Variants in HS2ST1 observed in about 807,000 individuals in gnomAD.
HS2ST1 encodes the protein heparan sulfate 2-O-sulfotransferase 1, also known as 2-O-sulfotransferase.
In HS2ST1, 18 loss-of-function variants were observed where a neutral mutation model predicts 42.9. The observed-to-expected ratio is 0.42, with a 90% CI of 0.29 to 0.62. The LOEUF is 0.62. Among genes scored for constraint, HS2ST1 ranks in the 20% least tolerant of loss-of-function variants. HS2ST1 has a pLI of 0.21. For missense variants in HS2ST1, 334 were observed against 433.8 expected, an observed-to-expected ratio of 0.77 and a Z score of 2.04; for synonymous variants, 146 against 152.9, an observed-to-expected ratio of 0.95 and a Z score of 0.33.
At chr1:86,932,323 A>G (rs1660561357) in intron 1 of HS2ST1, 1 of 152,080 alleles carries the variant, frequency 6.6e-6, no homozygotes, top group Admixed American at 6.6e-5. Context: ...AATGAAGAGA[A>G]GTGGGTTAAA....
At chr1:86,952,803 T>A (rs1647563101) in intron 1 of HS2ST1, among the ~76,000 whole-genome samples, 1 of 152,196 alleles carries the variant, frequency 6.6e-6, no homozygotes, top group South Asian at 2.1e-4. Context: ...TTGTCCCATT[T>A]ATAGATCACA....
chr1:87,035,480 A>T (rs1022665303), intron 1 of HS2ST1, among the ~76,000 whole-genome samples: 2 of 152,130 alleles, frequency 1.3e-5, no homozygotes, highest in African/African-American at 4.8e-5. Context: ...GGCCTAGAAG[A>T]TTTTCTGATG....
At chr1:86,963,741 G>GGA in intron 1 of HS2ST1, among the ~76,000 whole-genome samples, 1 of 41,800 alleles carries the variant, frequency 2.4e-5, no homozygotes. Flanking sequence ...GCCAGGCAGA[G>GGA]GCGCCCCCCC....
At position 86,919,969 on chromosome 1, in the gene HS2ST1, G is replaced by A. The variant is rs145595097; in HGVS notation, c.124+4809G>A. On this transcript the variant is annotated intron_variant, in intron 1 of 6. Coordinates refer to ENST00000370550, the MANE Select transcript of HS2ST1 (RefSeq NM_012262.4). The stretch of plus-strand genomic sequence containing the variant: ...TAACTGTGACTCGTTACTATAAAAT[G>A]TCAGAATTTGTGGCTGGTAAAAAGT... Among the ~76,000 whole-genome samples the A allele has an allele frequency of 4.8e-3, 734 of 152,320 alleles. 3 individuals carry two copies. Among genetic ancestry groups the A allele is most frequent in the Non-Finnish European group, 8.5e-3 (578 of 68,030 alleles).
intron 1 of HS2ST1, among the ~76,000 whole-genome samples, chr1:87,071,729 GAAAA>G (rs537202045): frequency 1.9e-5 from 2 of 107,904 alleles, no homozygotes; most frequent in African/African-American, 3.2e-5. Flanking sequence ...CTCTGTCTCC[GAAAA>G]AAAAAAAAAA....
intron 1 of HS2ST1, among the ~76,000 whole-genome samples, chr1:86,941,261 G>A (rs1660757361): frequency 6.6e-6 from 1 of 151,988 alleles, no homozygotes; most frequent in Admixed American, 6.6e-5. Flanking sequence ...TGAAGTATCT[G>A]GATTTGTCTT....
chr1:87,004,406 A>T (rs1649377925), intron 1 of HS2ST1, among the ~76,000 whole-genome samples: 1 of 152,088 alleles, frequency 6.6e-6, no homozygotes, highest in Admixed American at 6.6e-5. Context: ...AAATGAACAA[A>T]TATATATATA....
chr1:86,989,590 C>CT (rs1648884466), intron 1 of HS2ST1, among the ~76,000 whole-genome samples: 2 of 152,198 alleles, frequency 1.3e-5, no homozygotes, highest in Non-Finnish European at 2.9e-5. Context: ...TATTATTATA[C>CT]TTTAAGTTCT....
chr1:87,026,821 C>T (rs1650099873), intron 1 of HS2ST1, among the ~76,000 whole-genome samples: 1 of 151,496 alleles, frequency 6.6e-6, no homozygotes, highest in Non-Finnish European at 1.5e-5. Context: ...TATCAGAAAA[C>T]TTGATTATAA....
chr1:87,028,785 A>AACG (rs1227625200), intron 1 of HS2ST1, among the ~76,000 whole-genome samples: 2 of 152,210 alleles, frequency 1.3e-5, no homozygotes, highest in African/African-American at 4.8e-5. Context: ...CTAGTGTAAA[A>AACG]ACGGAAAAGC....
At chr1:86,997,897 A>G (rs183511336) in intron 1 of HS2ST1, among the ~76,000 whole-genome samples, 87 of 152,284 alleles carry the variant, frequency 5.7e-4, no homozygotes, top group African/African-American at 2.1e-3. Context: ...TTATTTCTGG[A>G]ATTTTTCACT....
intron 1 of HS2ST1, among the ~76,000 whole-genome samples, chr1:86,975,444 A>G (rs956150865): frequency 6.6e-6 from 1 of 152,128 alleles, no homozygotes; most frequent in African/African-American, 2.4e-5. Flanking sequence ...GAAAGACCAA[A>G]GGCTGAGGGG....
At chr1:87,029,879 T>C (rs180748158) in intron 1 of HS2ST1, among the ~76,000 whole-genome samples, 3 of 152,288 alleles carry the variant, frequency 2.0e-5, no homozygotes, top group Admixed American at 2.0e-4. Context: ...TTTAAGTGTG[T>C]TGGTCTTAGG....
rs1651456784 is a variant in HS2ST1, at chr1:87,073,034, G to C, written c.225G>C (p.Val75=). 6.2e-7 allele frequency: 1 copy of C among 1,613,900 alleles called. No homozygotes were observed. The highest frequency in any genetic ancestry group is 1.1e-5 in the South Asian group (1 of 91,090). The change falls in exon 2 of 7, where the codon GTG becomes GTC. Residue 75 remains valine (V), a synonymous_variant. Transcript: ENST00000370550. ...CTTTAGATGAGGAAGAGGACATGGTGATCATTTATAACAGAGTTCCCAAAA... is the reference window on the plus strand; with the variant it reads ...CTTTAGATGAGGAAGAGGACATGGTCATCATTTATAACAGAGTTCCCAAAA... ...DATLDEEEDM[V]IIYNRVPKTA...
Position 86,914,837 on chromosome 1 carries a change from G to T in HS2ST1, c.-200G>T, listed in dbSNP as rs886612897. ...GCCGTTTAGTCGGCTGAGGAGAAGC[G>T]GACACCAGCGGCGTTGGTGATAGCG... On this transcript the variant is annotated 5_prime_UTR_variant, in exon 1 of 7. Coordinates refer to ENST00000370550, the MANE Select transcript of HS2ST1 (RefSeq NM_012262.4). 3 of 610,696 alleles carry T rather than the reference G, an allele frequency of 4.9e-6. No homozygotes were observed. Among genetic ancestry groups the T allele is most frequent in the Non-Finnish European group, 8.5e-6 (3 of 352,414 alleles). The allele number at this position is 610,696 out of a possible 1,614,324, so 37.8% of individuals were successfully genotyped here.
chr1:86,921,464 C>G (rs1660298118), intron 1 of HS2ST1, among the ~76,000 whole-genome samples: 1 of 152,052 alleles, frequency 6.6e-6, no homozygotes, highest in South Asian at 2.1e-4. Context: ...AATGTCTCCC[C>G]CAAAATTCAC....
intron 5 of HS2ST1, 78 bp from the exon 6 acceptor site, chr1:87,103,354 T>C: frequency 1.5e-6 from 2 of 1,305,972 alleles, no homozygotes; most frequent in Non-Finnish European, 2.1e-6. Context: ...ATTTTCTCTG[T>C]AATATATGGT....
At chr1:87,021,082 G>A (rs1005683715) in intron 1 of HS2ST1, among the ~76,000 whole-genome samples, 1 of 152,148 alleles carries the variant, frequency 6.6e-6, no homozygotes, top group Non-Finnish European at 1.5e-5. Flanking sequence ...GGTAACTTAA[G>A]GAATTTAGTG....
chr1:86,921,323 A>G (rs966451361), intron 1 of HS2ST1, among the ~76,000 whole-genome samples: 1 of 152,066 alleles, frequency 6.6e-6, no homozygotes, highest in African/African-American at 2.4e-5. Flanking sequence ...ATGTATTTTG[A>G]AGTGCTGTGA....
Sources: allele counts gnomAD v4.1 joint callset (sites outside exome capture counted in the v4.1 genomes callset), GRCh38; gene constraint gnomAD v4.1.1; transcripts MANE v1.5; gene names NCBI Gene and HGNC (gene_info 2026-07-23, HGNC 2026-07-21).